The following CHN2 variants were observed in gnomAD, a reference collection of about 807,000 sequenced individuals.
The protein encoded by CHN2 is beta-chimaerin.
Under a neutral mutation model 56.3 loss-of-function variants are expected in CHN2, and 35 were observed. The ratio of observed to expected loss-of-function variants is 0.62; its 90% CI spans 0.47 to 0.82. CHN2 has a LOEUF of 0.82. Among genes scored for constraint, CHN2 ranks in the 40% least tolerant of loss-of-function variants. The pLI is 0.00. For synonymous variants in CHN2, 210 were observed against 212.8 expected (o/e 0.99, Z 0.12); for missense variants, 491 against 580.5 (o/e 0.85, Z 1.58).
intron 1 of CHN2, among the ~76,000 whole-genome samples, chr7:29,321,808 G>A (rs1795384523): frequency 6.6e-6 from 1 of 151,980 alleles, no homozygotes; most frequent in Admixed American, 6.5e-5. Context: ...GACCTCATGT[G>A]ATCTGCCCGC....
intron 3 of CHN2, among the ~76,000 whole-genome samples, chr7:29,369,503 A>G (rs1304756381): frequency 6.6e-6 from 1 of 152,206 alleles, no homozygotes; most frequent in Non-Finnish European, 1.5e-5. Context: ...GGCATTTTGA[A>G]TATCATAATA....
intron 1 of CHN2, chr7:29,208,923 A>T (rs1784723017): frequency 6.6e-6 from 1 of 152,158 alleles, no homozygotes; most frequent in Non-Finnish European, 1.5e-5. Flanking sequence ...CAAGATGACA[A>T]TAGCAGTCCC....
intron 1 of CHN2, among the ~76,000 whole-genome samples, chr7:29,276,398 T>C (rs1791222538): frequency 6.6e-6 from 1 of 152,188 alleles, no homozygotes; most frequent in African/African-American, 2.4e-5. Context: ...TCCCTGTCTC[T>C]GTCCAAGGCA....
At chr7:29,319,912 C>T (rs1472821247) in intron 1 of CHN2, among the ~76,000 whole-genome samples, 2 of 152,174 alleles carry the variant, frequency 1.3e-5, no homozygotes, top group Non-Finnish European at 1.5e-5. Flanking sequence ...TTCCCCTCCC[C>T]GACCTCACTG....
At chr7:29,444,237 GTAAC>G (rs1783874187) in intron 6 of CHN2, among the ~76,000 whole-genome samples, 1 of 152,226 alleles carries the variant, frequency 6.6e-6, no homozygotes, top group African/African-American at 2.4e-5. Flanking sequence ...TTAACCCTTT[GTAAC>G]TAACACCGGA....
chr7:29,305,715 T>A (rs999314166), intron 1 of CHN2, among the ~76,000 whole-genome samples: 2 of 150,540 alleles, frequency 1.3e-5, no homozygotes, highest in Non-Finnish European at 3.0e-5. Context: ...GGGCCCAAAT[T>A]TTACTCTTCT....
intron 1 of CHN2, among the ~76,000 whole-genome samples, chr7:29,286,786 T>C (rs1459064467): frequency 1.3e-5 from 2 of 152,186 alleles, no homozygotes; most frequent in Non-Finnish European, 2.9e-5. Flanking sequence ...TCTGCGATTA[T>C]AAATATATCA....
intron 1 of CHN2, among the ~76,000 whole-genome samples, chr7:29,254,590 A>T: frequency 6.6e-6 from 1 of 152,086 alleles, no homozygotes. Flanking sequence ...GGTTTTAGGG[A>T]CCTTAGAGAA....
intron 1 of CHN2, among the ~76,000 whole-genome samples, chr7:29,307,105 A>G (rs1439108344): frequency 3.3e-5 from 5 of 152,212 alleles, no homozygotes; most frequent in African/African-American, 1.2e-4. Flanking sequence ...CTTCAGCTAA[A>G]TCATTTAACC....
chr7:29,507,106 A>G, intron 10 of CHN2, 122 bp from the exon 11 acceptor site: 2 of 880,452 alleles, frequency 2.3e-6, no homozygotes, highest in Non-Finnish European at 3.4e-6. Context: ...CTAGAAGCCA[A>G]AAGAGTTAGC....
At chr7:29,202,287 T>G (rs1394074000) in intron 1 of CHN2, among the ~76,000 whole-genome samples, 1 of 152,204 alleles carries the variant, frequency 6.6e-6, no homozygotes, top group Non-Finnish European at 1.5e-5. Context: ...GATTTTTACT[T>G]CTACAAAAAG....
intron 6 of CHN2, among the ~76,000 whole-genome samples, chr7:29,478,544 G>A (rs1167626164): frequency 6.6e-6 from 1 of 152,178 alleles, no homozygotes; most frequent in Non-Finnish European, 1.5e-5. Flanking sequence ...GCACATGGGT[G>A]TACCGAGGCA....
chr7:29,228,547 T>G (rs1019616511), intron 1 of CHN2, among the ~76,000 whole-genome samples: 1 of 152,248 alleles, frequency 6.6e-6, no homozygotes, highest in Non-Finnish European at 1.5e-5. Context: ...ACTGTATACA[T>G]ATACACATAT....
At chr7:29,196,127 T>C (rs1193040731) in intron 1 of CHN2, among the ~76,000 whole-genome samples, 1 of 152,168 alleles carries the variant, frequency 6.6e-6, no homozygotes, top group South Asian at 2.1e-4. Context: ...TTTGGAGGCA[T>C]TGGATAGCAA....
intron 6 of CHN2, among the ~76,000 whole-genome samples, chr7:29,446,312 G>C (rs924429824): frequency 6.6e-6 from 1 of 152,096 alleles, no homozygotes; most frequent in Non-Finnish European, 1.5e-5. Context: ...CAGCAAAAAA[G>C]AATCACCTTT....
intron 1 of CHN2, among the ~76,000 whole-genome samples, chr7:29,207,943 A>C (rs1317142220): frequency 6.6e-6 from 1 of 152,248 alleles, no homozygotes; most frequent in Non-Finnish European, 1.5e-5. Context: ...TGATCAGATC[A>C]CATGGAAAAT....
chr7:29,173,397 A>C (rs1191138790), intron 2 of CHN2, among the ~76,000 whole-genome samples: 1 of 152,104 alleles, frequency 6.6e-6, no homozygotes, highest in East Asian at 1.9e-4. Flanking sequence ...GCTATTAATA[A>C]TACATGAGGA....
In CHN2 at chr7:29,187,345, C is replaced by CTGTG. The variant is rs35253523; in HGVS notation, c.274+40402_274+40405dup. On this transcript the variant is annotated intron_variant, in intron 2 of 6. Transcript: ENST00000439384. ...TCTAGTGGTGTGTGTGTTTGTGTGT[C>CTGTG]TGTGTGTGTGTGTGTGTGTGACAAA... is the stretch of plus-strand genomic sequence containing the variant. Among the ~76,000 whole-genome samples the CTGTG allele has an allele frequency of 4.2e-3, 620 of 149,240 alleles. 3 individuals are homozygous for CTGTG. Among genetic ancestry groups the CTGTG allele is most frequent in the African/African-American group, 0.014 (566 of 40,730 alleles).
At chr7:29,490,720 C>T (rs1239196463) in intron 7 of CHN2, among the ~76,000 whole-genome samples, 1 of 152,196 alleles carries the variant, frequency 6.6e-6, no homozygotes, top group Non-Finnish European at 1.5e-5. Flanking sequence ...GTGTATACTA[C>T]TGGTACCAAA....
Sources: allele counts gnomAD v4.1 joint callset (sites outside exome capture counted in the v4.1 genomes callset), GRCh38; gene constraint gnomAD v4.1.1; transcripts MANE v1.5; gene names NCBI Gene and HGNC (gene_info 2026-07-23, HGNC 2026-07-21).